The following DGKH variants were observed in gnomAD, a reference collection of about 807,000 sequenced individuals.
DGKH encodes DAG kinase eta.
A neutral mutation model predicts 159.3 loss-of-function variants in DGKH; 90 were observed. The observed-to-expected ratio is 0.57, with a 90% CI of 0.48 to 0.67. The LOEUF is 0.67. DGKH is among the 30% of genes least tolerant of loss of function. DGKH has a pLI of 0.00. For synonymous variants in DGKH, 536 were observed against 553.8 expected, an observed-to-expected ratio of 0.97 and a Z score of 0.45; for missense variants, 1,181 against 1,506.1, an observed-to-expected ratio of 0.78 and a Z score of 3.57.
chr13:42,134,393 C>G (rs568142905), intron 3 of DGKH, among the ~76,000 whole-genome samples: 3 of 152,194 alleles, frequency 2.0e-5, no homozygotes, highest in African/African-American at 7.2e-5. Flanking sequence ...ACTCCCATCT[C>G]TGGAGTTAAT....
intron 15 of DGKH, 94 bp from the exon 16 acceptor site, chr13:42,190,309 G>C: frequency 6.9e-7 from 1 of 1,441,964 alleles, no homozygotes; most frequent in Non-Finnish European, 9.3e-7. Context: ...ATTTTGTTTG[G>C]CATATGTTTC....
intron 29 of DGKH, among the ~76,000 whole-genome samples, chr13:42,248,605 TTA>T (rs1958599106): frequency 6.8e-6 from 1 of 147,580 alleles, no homozygotes; most frequent in African/African-American, 2.5e-5. Flanking sequence ...ATGTAATAAT[TTA>T]TATAATACAT....
At chr13:42,102,301 A>G (rs762449148) in intron 1 of DGKH, among the ~76,000 whole-genome samples, 2 of 152,268 alleles carry the variant, frequency 1.3e-5, no homozygotes, top group Non-Finnish European at 2.9e-5. Context: ...GCAAAGAGGC[A>G]GCTGCACTGG....
At chr13:42,194,329 C>T (rs765349072) in intron 16 of DGKH, among the ~76,000 whole-genome samples, 15 of 152,112 alleles carry the variant, frequency 9.9e-5, no homozygotes, top group Non-Finnish European at 2.2e-4. Flanking sequence ...GGCAGGGTCT[C>T]GCTGTGTTGC....
At chr13:42,117,506 A>G (rs1488909353) in intron 1 of DGKH, among the ~76,000 whole-genome samples, 1 of 152,222 alleles carries the variant, frequency 6.6e-6, no homozygotes, top group Non-Finnish European at 1.5e-5. Context: ...ACTGCCTCCC[A>G]GCTAAATCTT....
At chr13:42,098,496 A>AAT (rs1954591119) in intron 1 of DGKH, among the ~76,000 whole-genome samples, 1 of 152,068 alleles carries the variant, frequency 6.6e-6, no homozygotes, top group African/African-American at 2.4e-5. Context: ...CAAAAAAAAA[A>AAT]AATAAATTAA....
At chr13:42,062,086 G>C (rs767330874) in intron 1 of DGKH, among the ~76,000 whole-genome samples, 6 of 151,910 alleles carry the variant, frequency 3.9e-5, no homozygotes, top group African/African-American at 7.3e-5. Flanking sequence ...TTAGTGAAGT[G>C]ACAGAAGCTA....
intron 2 of DGKH, 115 bp from the exon 3 acceptor site, chr13:42,129,437 A>C: frequency 1.3e-6 from 1 of 794,816 alleles, no homozygotes; most frequent in South Asian, 1.9e-5. Flanking sequence ...AAGTACCACC[A>C]ACTTAACTTT....
chr13:42,107,834 G>A (rs922094910), intron 1 of DGKH, among the ~76,000 whole-genome samples: 1 of 152,124 alleles, frequency 6.6e-6, no homozygotes, highest in African/African-American at 2.4e-5. Flanking sequence ...GGCCTTTGGG[G>A]ACCCCTGGTA....
chr13:42,166,351 C>G (rs779914304), intron 8 of DGKH, among the ~76,000 whole-genome samples, 164 bp from the exon 9 acceptor site: 2 of 152,144 alleles, frequency 1.3e-5, no homozygotes, highest in East Asian at 3.9e-4. Flanking sequence ...TACATACAAA[C>G]ATATAGGTTT....
rs1743483784 is a variant in DGKH, at chr13:42,240,525, A to C, written c.*11337A>C. 6.6e-6 allele frequency: 1 copy of C among 152,228 alleles called. No individual in the cohort carries two copies. Among genetic ancestry groups the C allele is most frequent in the Admixed American group, 6.5e-5 (1 of 15,286 alleles). The allele number at this position is 152,228 out of a possible 1,614,324, so 9.4% of individuals were successfully genotyped here. On this transcript the variant is annotated 3_prime_UTR_variant, in exon 30 of 30. Coordinates refer to ENST00000337343, the MANE Select transcript of DGKH (RefSeq NM_178009.5). Reference sequence around the variant, plus strand: ...ATAAATACATATACTGATTACCTACAGACAATAATGAGACTTCAGAAAGAA... The same window carrying C: ...ATAAATACATATACTGATTACCTACCGACAATAATGAGACTTCAGAAAGAA...
rs1378656400 is a variant in DGKH, at chr13:42,144,499, C to T, written c.385-10792C>T. On this transcript the variant is annotated intron_variant, in intron 3 of 29. Coordinates refer to ENST00000337343, the MANE Select transcript of DGKH (RefSeq NM_178009.5). ...GCCTGGAGTTAGAGACCAGCCTGGC[C>T]AACATGGTGAAACCCCTTCTCTACT... Among the ~76,000 whole-genome samples, 3 of 151,982 alleles carry T rather than the reference C, an allele frequency of 2.0e-5. No homozygotes were observed. The East Asian group carries it at 5.8e-4, about 29-fold the overall frequency.
chr13:42,229,234 A>G lies in DGKH; in HGVS notation c.*46A>G, dbSNP rs1958228475. ...GGAAGAGAAGTTATTGCCACTTAATACAAAGTCCTTGGAAGCAAGTGGCTG... is the reference window on the plus strand; with the variant it reads ...GGAAGAGAAGTTATTGCCACTTAATGCAAAGTCCTTGGAAGCAAGTGGCTG... On this transcript the variant is annotated 3_prime_UTR_variant, in exon 30 of 30. Transcript: ENST00000337343. 1 of 1,553,588 alleles carries G rather than the reference A, an allele frequency of 6.4e-7. No homozygotes were observed. The highest frequency in any genetic ancestry group is 1.4e-5 in the African/African-American group (1 of 72,360).
intron 3 of DGKH, among the ~76,000 whole-genome samples, chr13:42,151,890 GTAC>G (rs1955914509): frequency 6.6e-6 from 1 of 152,000 alleles, no homozygotes; most frequent in African/African-American, 2.4e-5. Flanking sequence ...CATAGATGTT[GTAC>G]TAATTTACAT....
intron 11 of DGKH, among the ~76,000 whole-genome samples, chr13:42,170,285 C>A (rs979481203): frequency 1.3e-5 from 2 of 152,172 alleles, no homozygotes; most frequent in Non-Finnish European, 2.9e-5. Flanking sequence ...AGGTGGCTCA[C>A]GCCTATAATC....
In DGKH at chr13:42,194,894, C is replaced by CA; in HGVS notation, c.2046dup (p.Pro683ThrfsTer16). The CA allele has an allele frequency of 1.2e-6, 2 of 1,613,480 alleles. No homozygotes were observed. On this transcript the variant is annotated frameshift_variant, in exon 17 of 30. Coordinates refer to ENST00000337343, the MANE Select transcript of DGKH (RefSeq NM_178009.5). LOFTEE classifies it high-confidence loss of function. ...GACTTTTTGCCAACAGTTAAAACTG[C>CA]ACCTCGGTCTCCAGATGCCCGGGCA...
At chr13:42,112,847 A>G (rs1449825230) in intron 1 of DGKH, among the ~76,000 whole-genome samples, 4 of 152,184 alleles carry the variant, frequency 2.6e-5, no homozygotes, top group Non-Finnish European at 5.9e-5. Flanking sequence ...GGGGATGGAC[A>G]TATCACAAAA....
At position 42,094,488 on chromosome 13, in the gene DGKH, A is replaced by G. The variant is rs182026335; in HGVS notation, c.193-32975A>G. ...TCTTTGAGAAGCATCACGAAGTTCA[A>G]AGAGGTCTGTCTTGGTATCTCTGTG... On this transcript the variant is annotated intron_variant, in intron 1 of 29. Coordinates refer to ENST00000337343, the MANE Select transcript of DGKH (RefSeq NM_178009.5). 2.6e-5 allele frequency among the ~76,000 whole-genome samples: 4 copies of G among 152,282 alleles called. No homozygotes were observed. In the East Asian group the frequency reaches 5.8e-4, roughly 22 times the overall value.
At chr13:42,040,509 G>A (rs1880420189) in intron 1 of DGKH, among the ~76,000 whole-genome samples, 1 of 151,446 alleles carries the variant, frequency 6.6e-6, no homozygotes, top group South Asian at 2.1e-4. Flanking sequence ...GCGGCGGGGG[G>A]GAGGGGCGGG....
Sources: allele counts gnomAD v4.1 joint callset (sites outside exome capture counted in the v4.1 genomes callset), GRCh38; gene constraint gnomAD v4.1.1; transcripts MANE v1.5; gene names NCBI Gene and HGNC (gene_info 2026-07-23, HGNC 2026-07-21).